YPEL5: variants seen among roughly 807,000 people sequenced by gnomAD.
YPEL5 encodes the protein protein yippee-like 5.
Under a neutral mutation model 10.5 loss-of-function variants are expected in YPEL5, and 1 was observed. The ratio of observed to expected loss-of-function variants is 0.10; its 90% confidence interval spans 0.03 to 0.45. The LOEUF (loss-of-function observed/expected upper bound fraction) is 0.45, where lower values mean the gene tolerates loss of function less well. Ranked by LOEUF, YPEL5 falls within the 20% of genes least tolerant of loss-of-function variation. YPEL5 has a pLI of 0.97. For missense variants in YPEL5, 68 were observed against 159.3 expected (o/e 0.43, Z 3.09); for synonymous variants, 61 against 56.6 (o/e 1.08, Z -0.35).
At chr2:30,156,566 C>G (rs1483728315) in intron 1 of YPEL5, 62 bp from the exon 2 acceptor site, 1 of 1,500,552 alleles carries the variant, frequency 6.7e-7, no homozygotes, top group Non-Finnish European at 9.2e-7. Flanking sequence ...TATGACACCC[C>G]CCAAGTAGGT....
intron 1 of YPEL5, chr2:30,147,493 C>G (rs1242708348): frequency 6.7e-6 from 1 of 149,830 alleles, no homozygotes; most frequent in Non-Finnish European, 1.5e-5. Context: ...CGCGCCGCGC[C>G]GCGGCTGCCC....
In YPEL5 at chr2:30,156,636, A is replaced by T. The variant is rs576248581; in HGVS notation, c.-16A>T. ...TTTCTATTTGCTCCTAGGTTTTTAG[A>T]ACTTCAGCCATAAAAATGGGCAGAA... On this transcript the variant is annotated 5_prime_UTR_variant, in exon 2 of 3. Transcript: ENST00000261353. 2 of 1,613,488 alleles carry T rather than the reference A, an allele frequency of 1.2e-6. No individual in the cohort carries two copies. Among genetic ancestry groups the T allele is most frequent in the South Asian group, 2.2e-5 (2 of 91,056 alleles).
rs1317423874 is a variant in YPEL5 at position 30,149,668 on chromosome 2, A to G, written c.-25+2606A>G. On this transcript the variant is annotated intron_variant, in intron 1 of 2. Transcript: ENST00000261353. ...GGAAAGCTGGCTTCCACGGGATTCC[A>G]TTTTAGCAGAGTCATTGCGAAACAA... 3.9e-5 allele frequency among the ~76,000 whole-genome samples: 6 copies of G among 152,322 alleles called. No individual in the cohort carries two copies. In the East Asian group the frequency reaches 1.2e-3, roughly 29 times the overall value.
rs1676183731 is a variant in YPEL5 at position 30,159,411 on chromosome 2, C to G, written c.*568C>G. ...CCCATTCTTCCTTGTCAGTCTTGGC[C>G]CAAAGATGTCACCATTCCTAGTTAT... On this transcript the variant is annotated 3_prime_UTR_variant, in exon 3 of 3. Coordinates refer to ENST00000261353, the MANE Select transcript of YPEL5 (RefSeq NM_016061.3). The G allele has an allele frequency of 6.5e-6, 1 of 152,898 alleles. No individual in the cohort carries two copies. Among genetic ancestry groups the G allele is most frequent in the South Asian group, 2.1e-4 (1 of 4,846 alleles). The allele number at this position is 152,898 out of a possible 1,614,324, so 9.5% of individuals were successfully genotyped here.
At position 30,158,802 on chromosome 2, in the gene YPEL5, A is replaced by C; in HGVS notation, c.325A>C (p.Ser109Arg). 6.2e-7 allele frequency: 1 copy of C among 1,614,192 alleles called. No homozygotes were observed. The highest frequency in any genetic ancestry group is 8.5e-7 in the Non-Finnish European group (1 of 1,180,036). Residue 109 changes from serine to arginine, a missense_variant, in exon 3 of 3, where the codon AGT becomes CGT. Ser to Arg is a moderately radical substitution (Grantham distance 110). Around this residue, in one of 2 missense-constraint regions of YPEL5, gnomAD observed 20 missense variants for 21.0 expected, o/e 0.95. Transcript: ENST00000261353. ...VILERALVRE[S>R]EGFEEHVPSD... ...CCTGGAACGTGCTCTAGTTCGAGAG[A>C]GTGAGGGCTTTGAGGAGCATGTACC...
At chr2:30,154,622 T>A (rs1026384797) in intron 1 of YPEL5, among the ~76,000 whole-genome samples, 18 of 152,256 alleles carry the variant, frequency 1.2e-4, no homozygotes, top group Admixed American at 7.2e-4. Context: ...TGTCCACATA[T>A]GTTTTTTAGG....
At chr2:30,157,799 C>G (rs768772750) in intron 2 of YPEL5, among the ~76,000 whole-genome samples, 16 of 152,208 alleles carry the variant, frequency 1.1e-4, no homozygotes, top group Non-Finnish European at 2.2e-4. Flanking sequence ...ATTGATGGCT[C>G]ATACTCTTTG....
intron 1 of YPEL5, among the ~76,000 whole-genome samples, chr2:30,154,477 G>A (rs1408485572): frequency 3.9e-5 from 6 of 152,326 alleles, no homozygotes; most frequent in East Asian, 1.9e-4. Flanking sequence ...GTTGCCATAG[G>A]AGAATATGTG....
intron 1 of YPEL5, among the ~76,000 whole-genome samples, chr2:30,151,996 T>C (rs1048392669): frequency 6.6e-6 from 1 of 152,168 alleles, no homozygotes; most frequent in African/African-American, 2.4e-5. Context: ...TTGGAGAAGG[T>C]ATTGGCTCCA....
At chr2:30,153,029 T>A (rs1485401497) in intron 1 of YPEL5, among the ~76,000 whole-genome samples, 2 of 151,924 alleles carry the variant, frequency 1.3e-5, no homozygotes, top group African/African-American at 4.8e-5. Context: ...GCCTCCTGAG[T>A]AGCTGGGACT....
chr2:30,149,410 G>A (rs1675672377), intron 1 of YPEL5, among the ~76,000 whole-genome samples: 1 of 152,208 alleles, frequency 6.6e-6, no homozygotes, highest in Non-Finnish European at 1.5e-5. Context: ...TTGTGTCACT[G>A]AAAACTTAGC....
At chr2:30,149,570 A>C (rs1675681472) in intron 1 of YPEL5, among the ~76,000 whole-genome samples, 1 of 152,264 alleles carries the variant, frequency 6.6e-6, no homozygotes, top group African/African-American at 2.4e-5. Context: ...TATAGTAATC[A>C]ACCCAGCACT....
chr2:30,149,600 T>C (rs1046029786), intron 1 of YPEL5, among the ~76,000 whole-genome samples: 4 of 152,228 alleles, frequency 2.6e-5, no homozygotes, highest in African/African-American at 9.7e-5. Flanking sequence ...TATTTGGGTT[T>C]TTATCCTTTG....
At chr2:30,147,753 T>C (rs1675536222) in intron 1 of YPEL5, 1 of 146,614 alleles carries the variant, frequency 6.8e-6, no homozygotes, top group Admixed American at 6.8e-5. Flanking sequence ...AGGGTGACGG[T>C]TGGGCAGCCC....
At chr2:30,152,411 G>A (rs1675841190) in intron 1 of YPEL5, among the ~76,000 whole-genome samples, 1 of 152,202 alleles carries the variant, frequency 6.6e-6, no homozygotes, top group African/African-American at 2.4e-5. Flanking sequence ...ATACAGTGAT[G>A]AAGGGGAGGG....
chr2:30,149,109 C>T (rs897946691), intron 1 of YPEL5, among the ~76,000 whole-genome samples: 1 of 152,124 alleles, frequency 6.6e-6, no homozygotes, highest in African/African-American at 2.4e-5. Flanking sequence ...ATGAAATTGT[C>T]TTGCTAGGGT....
At chr2:30,148,773 A>G (rs1201341551) in intron 1 of YPEL5, among the ~76,000 whole-genome samples, 1 of 152,244 alleles carries the variant, frequency 6.6e-6, no homozygotes, top group African/African-American at 2.4e-5. Flanking sequence ...GGTTTAGAAA[A>G]AAGTGAAAGG....
At position 30,159,111 on chromosome 2, in the gene YPEL5, G is replaced by C; in HGVS notation, c.*268G>C. 2.3e-6 allele frequency: 1 copy of C among 444,100 alleles called. No homozygotes were observed. Among genetic ancestry groups the C allele is most frequent in the Non-Finnish European group, 4.0e-6 (1 of 246,960 alleles). 27.5% of individuals were successfully genotyped at this position (444,100 alleles called of 1,614,324 possible). A position where few individuals can be genotyped will look rare whatever the true frequency, so the allele number is the denominator to read the frequency against. ...CATCTTGAGGCAGCAGAGTCTGTCT[G>C]CAGCTATGTGGTGAGCTATGTAAGG... On this transcript the variant is annotated 3_prime_UTR_variant, in exon 3 of 3. Transcript: ENST00000261353.
At chr2:30,158,569 G>A in intron 2 of YPEL5, 50 bp from the exon 3 acceptor site, 2 of 1,562,120 alleles carry the variant, frequency 1.3e-6, no homozygotes, top group Non-Finnish European at 1.8e-6. Flanking sequence ...TACATACTTG[G>A]CAAATAACTA....
Sources: gnomAD v4.1 joint callset for allele counts (sites outside exome capture counted in the v4.1 genomes callset) on GRCh38, gnomAD v4.1.1 for gene constraint, gnomAD v4.1.1 regional missense constraint, MANE v1.5 for transcripts, NCBI Gene and HGNC (gene_info 2026-07-23, HGNC 2026-07-21) for gene names.